The following FLI1 variants were observed in gnomAD, a reference collection of about 807,000 sequenced individuals.
The protein encoded by FLI1 is Friend leukemia integration 1 transcription factor.
FLI1 carries 13 observed loss-of-function variants against 53.1 expected under a neutral mutation model. The ratio of observed to expected loss-of-function variants is 0.24; its 90% CI spans 0.16 to 0.39. The LOEUF (loss-of-function observed/expected upper bound fraction) is 0.39. Ranked by LOEUF, FLI1 falls within the 10% of genes least tolerant of loss-of-function variation. The probability of loss-of-function intolerance (pLI) is 1.00; values close to 1 mark genes in which losing one functional copy is unlikely to be tolerated. For synonymous variants in FLI1, 244 were observed against 236.7 expected (o/e 1.03, Z -0.28); for missense variants, 424 against 600.5 (o/e 0.71, Z 3.07).
intron 6 of FLI1, chr11:128,806,868 T>C (rs1942795593): frequency 8.5e-6 from 2 of 235,256 alleles, no homozygotes; most frequent in Non-Finnish European, 1.6e-5. Context: ...GTTTACTTTT[T>C]AAAAATTTGA....
upstream of FLI1, among the ~76,000 whole-genome samples, chr11:128,692,402 C>CG (rs1426019166): frequency 6.6e-5 from 10 of 151,860 alleles, no homozygotes; most frequent in Non-Finnish European, 1.3e-4. Flanking sequence ...CAGACAGGAG[C>CG]GGGGGGAGTC....
intron 5 of FLI1, 196 bp from the exon 6 acceptor site, chr11:128,805,170 A>G (rs934458830): frequency 2.0e-5 from 9 of 444,240 alleles, no homozygotes; most frequent in Non-Finnish European, 3.2e-5. Flanking sequence ...GCTCCCAGAT[A>G]AGACTACAAT....
At chr11:128,700,381 C>T (rs1938273661) in intron 1 of FLI1, among the ~76,000 whole-genome samples, 2 of 152,214 alleles carry the variant, frequency 1.3e-5, no homozygotes, top group Non-Finnish European at 2.9e-5. Context: ...TTACTACACA[C>T]ACTGGCCACA....
chr11:128,772,732 G>T, intron 3 of FLI1, 50 bp from the exon 4 acceptor site: 1 of 1,496,856 alleles, frequency 6.7e-7, no homozygotes, highest in Non-Finnish European at 9.3e-7. Context: ...GGCTCTCAGG[G>T]AGCCTCTACC....
chr11:128,699,760 A>T (rs891535526), intron 1 of FLI1, among the ~76,000 whole-genome samples: 3 of 152,168 alleles, frequency 2.0e-5, no homozygotes, highest in Non-Finnish European at 4.4e-5. Context: ...GAGGCTATGG[A>T]TAGGGTTATA....
At chr11:128,782,073 A>C in intron 5 of FLI1, 50 bp downstream of exon 5, 1 of 1,392,930 alleles carries the variant, frequency 7.2e-7, no homozygotes, top group Non-Finnish European at 1.0e-6. Context: ...ACCAGACATG[A>C]CACAGGCCCA....
chr11:128,790,268 CA>C (rs1262441596), intron 5 of FLI1, among the ~76,000 whole-genome samples: 6 of 73,440 alleles, frequency 8.2e-5, no homozygotes, highest in Middle Eastern at 5.4e-3. Flanking sequence ...TTTTTTTTTC[CA>C]CGAGAGAGAG....
Position 128,811,114 on chromosome 11 carries a change from G to A in FLI1, c.*126G>A. On this transcript the variant is annotated 3_prime_UTR_variant, in exon 9 of 9. Coordinates refer to ENST00000527786, the MANE Select transcript of FLI1 (RefSeq NM_002017.5). ...ACTGGATGTTCTTTCTTGTTGGATA[G>A]AACCTTTGTATTTGTTCTTTAAAAA... 1 of 928,456 alleles carries A rather than the reference G, an allele frequency of 1.1e-6. No individual in the cohort carries two copies. Among genetic ancestry groups the A allele is most frequent in the Non-Finnish European group, 1.7e-6 (1 of 595,636 alleles). The allele number at this position is 928,456 out of a possible 1,614,324, so 57.5% of individuals were successfully genotyped here. A position where few individuals can be genotyped will look rare whatever the true frequency, so the allele number is the denominator to read the frequency against.
At chr11:128,782,516 C>A (rs1201941310) in intron 5 of FLI1, among the ~76,000 whole-genome samples, 1 of 152,082 alleles carries the variant, frequency 6.6e-6, no homozygotes, top group Non-Finnish European at 1.5e-5. Flanking sequence ...GCCAGCATGG[C>A]AAAACCACCA....
intron 2 of FLI1, among the ~76,000 whole-genome samples, chr11:128,766,037 G>T (rs1941327831): frequency 6.6e-6 from 1 of 152,210 alleles, no homozygotes; most frequent in African/African-American, 2.4e-5. Context: ...TGAAGTATGT[G>T]CATGCATGTG....
chr11:128,708,504 G>C (rs1209451180), intron 1 of FLI1, among the ~76,000 whole-genome samples: 1 of 152,138 alleles, frequency 6.6e-6, no homozygotes, highest in Non-Finnish European at 1.5e-5. Context: ...GGCTTGGGTA[G>C]TCTGAGTTCT....
chr11:128,710,982 G>A lies in FLI1; in HGVS notation c.18+16706G>A, dbSNP rs182653031. On this transcript the variant is annotated intron_variant, in intron 1 of 8. Transcript: ENST00000527786. ...ATCTTAAAGTCCAAGGAAAGTGAAA[G>A]ATTAAGAAAACTTTCCTTATCAGGG... 4.1e-4 allele frequency among the ~76,000 whole-genome samples: 62 copies of A among 152,308 alleles called. No individual in the cohort carries two copies. The East Asian group carries it at 9.6e-3, about 24-fold the overall frequency.
intron 2 of FLI1, among the ~76,000 whole-genome samples, chr11:128,765,187 C>A (rs947292729): frequency 6.6e-6 from 1 of 152,194 alleles, no homozygotes; most frequent in African/African-American, 2.4e-5. Context: ...GTCCACTTTC[C>A]CTTCGTCTAG....
intron 1 of FLI1, among the ~76,000 whole-genome samples, chr11:128,697,066 T>A (rs1289121598): frequency 2.0e-5 from 3 of 152,212 alleles, no homozygotes; most frequent in African/African-American, 7.2e-5. Context: ...GGAGCCACGC[T>A]ACTCTTTTGT....
At chr11:128,696,528 A>G (rs1042660130) in intron 1 of FLI1, among the ~76,000 whole-genome samples, 1 of 152,230 alleles carries the variant, frequency 6.6e-6, no homozygotes, top group East Asian at 1.9e-4. Context: ...TAGTCATCAC[A>G]AAAATGAAAC....
intron 1 of FLI1, among the ~76,000 whole-genome samples, chr11:128,757,903 C>T (rs528519265): frequency 6.6e-6 from 1 of 152,348 alleles, no homozygotes; most frequent in Admixed American, 6.5e-5. Context: ...CCCCACTCCA[C>T]TGCCCAAAGT....
chr11:128,807,468 C>T (rs778940051), intron 7 of FLI1, among the ~76,000 whole-genome samples: 5 of 152,092 alleles, frequency 3.3e-5, no homozygotes, highest in African/African-American at 1.2e-4. Flanking sequence ...TGAACTATTC[C>T]AATGCTTTAT....
chr11:128,724,573 G>A (rs1565467475), intron 1 of FLI1, among the ~76,000 whole-genome samples: 3 of 152,130 alleles, frequency 2.0e-5, no homozygotes, highest in Admixed American at 6.5e-5. Flanking sequence ...TCACTGAATC[G>A]AGTATGGATG....
chr11:128,811,044 G>A lies in FLI1; in HGVS notation c.*56G>A. On this transcript the variant is annotated 3_prime_UTR_variant, in exon 9 of 9. Transcript: ENST00000527786. ...AGCCCATCCTGCACACTTACTGGAT[G>A]CTTTGGACTCAACAGGACATATGTG... is the stretch of plus-strand genomic sequence containing the variant. 6.4e-7 allele frequency: 1 copy of A among 1,551,782 alleles called. No individual in the cohort carries two copies. The highest frequency in any genetic ancestry group is 8.9e-7 in the Non-Finnish European group (1 of 1,124,414).
Sources: allele counts gnomAD v4.1 joint callset (sites outside exome capture counted in the v4.1 genomes callset), GRCh38; gene constraint gnomAD v4.1.1; transcripts MANE v1.5; gene names NCBI Gene and HGNC (gene_info 2026-07-23, HGNC 2026-07-21).